Variants in NCALD observed in about 807,000 individuals in gnomAD.
The protein encoded by NCALD is neurocalcin-delta.
In NCALD, 10 loss-of-function variants were observed where a neutral mutation model predicts 18.6. The observed-to-expected ratio is 0.54, with a 90% CI of 0.33 to 0.91. The LOEUF is 0.91. Among genes scored for constraint, NCALD ranks in the 40% least tolerant of loss-of-function variants. NCALD has a pLI of 0.03. For synonymous variants in NCALD, 88 were observed against 87.4 expected (o/e 1.01, Z -0.04); for missense variants, 184 against 247.6 (o/e 0.74, Z 1.72).
In NCALD at chr8:101,842,293, G is replaced by C. The variant is rs1814676131; in HGVS notation, c.-20+44848C>G. Among the ~76,000 whole-genome samples the C allele has an allele frequency of 2.6e-5, 4 of 151,990 alleles. No homozygotes were observed. In the South Asian group the frequency reaches 8.3e-4, roughly 32 times the overall value. On this transcript the variant is annotated intron_variant, in intron 4 of 6. Transcript: ENST00000311028. ...GGTTAGGACTTCAACTTATGAATTT[G>C]CAAGGAGGACACAATTCACACATAC...
chr8:101,716,651 G>A (rs142902387), intron 2 of NCALD, among the ~76,000 whole-genome samples: 4 of 152,222 alleles, frequency 2.6e-5, no homozygotes, highest in East Asian at 1.9e-4. Context: ...CTGAACGACG[G>A]CCCCCAAAGA....
chr8:101,892,156 C>G (rs965753516), intron 3 of NCALD, among the ~76,000 whole-genome samples: 23 of 150,284 alleles, frequency 1.5e-4, no homozygotes. Flanking sequence ...CAGCACACAG[C>G]TGGAGATCTG....
At chr8:102,028,595 G>A (rs1822552180) in intron 1 of NCALD, among the ~76,000 whole-genome samples, 1 of 152,164 alleles carries the variant, frequency 6.6e-6, no homozygotes, top group Admixed American at 6.5e-5. Context: ...GACTATCTCT[G>A]GGAGGAATCA....
At chr8:101,904,870 C>G (rs1476741801) in intron 3 of NCALD, among the ~76,000 whole-genome samples, 1 of 152,132 alleles carries the variant, frequency 6.6e-6, no homozygotes, top group African/African-American at 2.4e-5. Flanking sequence ...AGTGCAACAT[C>G]CTGGTGCTCC....
intron 1 of NCALD, among the ~76,000 whole-genome samples, chr8:101,759,878 G>C (rs1811041311): frequency 6.6e-6 from 1 of 152,170 alleles, no homozygotes; most frequent in South Asian, 2.1e-4. Context: ...TAGGTAGAGG[G>C]AGAGACTGGG....
chr8:101,786,219 G>T (rs1434646690), intron 1 of NCALD, among the ~76,000 whole-genome samples: 1 of 152,166 alleles, frequency 6.6e-6, no homozygotes, highest in Non-Finnish European at 1.5e-5. Flanking sequence ...CTCAAAATTT[G>T]CTGAATGCAT....
At chr8:101,860,714 G>C (rs1359316124) in intron 4 of NCALD, among the ~76,000 whole-genome samples, 11 of 152,160 alleles carry the variant, frequency 7.2e-5, no homozygotes, top group Non-Finnish European at 1.5e-4. Context: ...ATGGGAGTAA[G>C]AGAAGGTGTG....
chr8:101,830,543 C>T (rs374121153), intron 4 of NCALD, among the ~76,000 whole-genome samples: 105 of 121,400 alleles, frequency 8.6e-4, no homozygotes, highest in Middle Eastern at 4.3e-3. Flanking sequence ...AGCGAGACTC[C>T]GTCTCAAAAA....
intron 2 of NCALD, among the ~76,000 whole-genome samples, chr8:101,707,440 C>A (rs1277561213): frequency 1.3e-5 from 2 of 152,156 alleles, no homozygotes; most frequent in African/African-American, 4.8e-5. Context: ...CCCCATAGCT[C>A]CCCATCCTCA....
At chr8:101,813,646 T>C (rs538576929) in intron 4 of NCALD, among the ~76,000 whole-genome samples, 2 of 152,282 alleles carry the variant, frequency 1.3e-5, no homozygotes, top group South Asian at 4.1e-4. Context: ...ACTATGTAAA[T>C]GCCCCCCAGG....
intron 2 of NCALD, among the ~76,000 whole-genome samples, chr8:102,008,474 T>TA (rs34867950): frequency 0.44 from 58,537 of 133,244 alleles, 12,555 homozygotes; most frequent in Middle Eastern, 0.52. Context: ...TAAAGGCAGT[T>TA]AAAAAAAAAA....
chr8:101,699,893 G>T (rs1042152463), intron 2 of NCALD, among the ~76,000 whole-genome samples: 1 of 152,028 alleles, frequency 6.6e-6, no homozygotes, highest in Non-Finnish European at 1.5e-5. Context: ...CGTTCTGTGC[G>T]TGTATCCAAG....
chr8:102,057,091 G>T (rs1823677688), intron 1 of NCALD, among the ~76,000 whole-genome samples: 1 of 152,110 alleles, frequency 6.6e-6, no homozygotes, highest in Non-Finnish European at 1.5e-5. Context: ...AAAGCCTTTT[G>T]TAATCTGCCC....
upstream of NCALD, among the ~76,000 whole-genome samples, chr8:101,795,506 C>T (rs1054261791): frequency 3.1e-4 from 47 of 152,144 alleles, no homozygotes; most frequent in Admixed American, 1.6e-3. Flanking sequence ...GTAGGACAGG[C>T]ACACAGGACG....
chr8:101,702,671 C>G (rs1815323801), intron 2 of NCALD, among the ~76,000 whole-genome samples: 1 of 152,206 alleles, frequency 6.6e-6, no homozygotes, highest in African/African-American at 2.4e-5. Context: ...TTAGATGTAG[C>G]CTTAACATGG....
chr8:101,782,790 G>C (rs1812070054), intron 1 of NCALD, among the ~76,000 whole-genome samples: 2 of 152,130 alleles, frequency 1.3e-5, no homozygotes, highest in Admixed American at 1.3e-4. Flanking sequence ...GGGTTAATCT[G>C]TTCACTAATC....
intron 2 of NCALD, among the ~76,000 whole-genome samples, chr8:101,984,981 G>C (rs1018841602): frequency 6.6e-6 from 1 of 152,190 alleles, no homozygotes; most frequent in Non-Finnish European, 1.5e-5. Context: ...GCCTGTGACA[G>C]AGGACACCAG....
intron 4 of NCALD, among the ~76,000 whole-genome samples, chr8:101,877,247 T>C (rs1816264355): frequency 6.6e-6 from 1 of 152,204 alleles, no homozygotes; most frequent in Non-Finnish European, 1.5e-5. Context: ...TAATCAACAT[T>C]GCAGCAGTCC....
At chr8:101,860,324 A>G (rs182727265) in intron 4 of NCALD, among the ~76,000 whole-genome samples, 1 of 152,320 alleles carries the variant, frequency 6.6e-6, no homozygotes, top group Admixed American at 6.5e-5. Flanking sequence ...GACATCCAAC[A>G]CAAGAAATAG....
Sources: gnomAD v4.1 joint callset for allele counts (sites outside exome capture counted in the v4.1 genomes callset) on GRCh38, gnomAD v4.1.1 for gene constraint, MANE v1.5 for transcripts, NCBI Gene and HGNC (gene_info 2026-07-23, HGNC 2026-07-21) for gene names.